The following TMEM248 variants were observed in gnomAD, a reference collection of about 807,000 sequenced individuals.
TMEM248 encodes transmembrane protein 248, also known as UPF0458 protein C7orf42.
A neutral mutation model predicts 30.3 loss-of-function variants in TMEM248; 9 were observed. The ratio of observed to expected loss-of-function variants is 0.30; its 90% CI spans 0.18 to 0.52. The LOEUF is 0.52. TMEM248 is among the 20% of genes least tolerant of loss of function. The pLI is 0.97. For missense variants in TMEM248, 338 were observed against 403.3 expected, an observed-to-expected ratio of 0.84 and a Z score of 1.39; for synonymous variants, 184 against 154.4, an observed-to-expected ratio of 1.19 and a Z score of -1.42.
Position 66,956,602 on chromosome 7 carries a change from C to CAAT in TMEM248, c.*1080_*1081insAAT, listed in dbSNP as rs1295134787. ...GATCAGTAAAATTACGAAAACGATG[C>CAAT]CTGCAAAATTTGAAGGAATGCAATT... On this transcript the variant is annotated 3_prime_UTR_variant, in exon 7 of 7. Coordinates refer to ENST00000341567, the MANE Select transcript of TMEM248 (RefSeq NM_017994.5). 5 of 152,238 alleles carry CAAT rather than the reference C, an allele frequency of 3.3e-5. No individual in the cohort carries two copies. The highest frequency in any genetic ancestry group is 1.2e-4 in the African/African-American group (5 of 41,530). 9.4% of individuals were successfully genotyped at this position (152,238 alleles called of 1,614,324 possible).
intron 1 of TMEM248, among the ~76,000 whole-genome samples, chr7:66,941,104 CG>C (rs1380615862): frequency 4.6e-5 from 7 of 151,898 alleles, no homozygotes; most frequent in Admixed American, 3.9e-4. Context: ...ATAAATTAGC[CG>C]GGCACGGTGG....
In TMEM248 at chr7:66,957,350, C is replaced by G. The variant is rs554497670; in HGVS notation, c.*1828C>G. 6.1e-4 allele frequency: 93 copies of G among 152,340 alleles called. No individual in the cohort carries two copies. Among genetic ancestry groups the G allele is most frequent in the African/African-American group, 2.1e-3 (89 of 41,572 alleles). 9.4% of individuals were successfully genotyped at this position (152,340 alleles called of 1,614,324 possible). On this transcript the variant is annotated 3_prime_UTR_variant, in exon 7 of 7. Coordinates refer to ENST00000341567, the MANE Select transcript of TMEM248 (RefSeq NM_017994.5). Reference sequence around the variant, plus strand: ...TTTTATTGAAGATTGTTAAAATAATCACCATAGTAACTTGATATGTTAGTA... The same window carrying G: ...TTTTATTGAAGATTGTTAAAATAATGACCATAGTAACTTGATATGTTAGTA...
chr7:66,933,407 A>G (rs13232393), intron 1 of TMEM248, among the ~76,000 whole-genome samples: 15,742 of 152,306 alleles, frequency 0.1, 992 homozygotes, highest in South Asian at 0.2. Context: ...ATTGTTGGAT[A>G]TGTAGTTTTC....
chr7:66,936,624 G>T (rs1426699989), intron 1 of TMEM248, among the ~76,000 whole-genome samples: 2 of 152,068 alleles, frequency 1.3e-5, no homozygotes, highest in African/African-American at 4.8e-5. Context: ...GTTTACGTAG[G>T]ATTGGTATTA....
chr7:66,925,643 A>G (rs1791503014), intron 1 of TMEM248, among the ~76,000 whole-genome samples: 1 of 151,672 alleles, frequency 6.6e-6, no homozygotes, highest in Non-Finnish European at 1.5e-5. Flanking sequence ...GGTAGTATAT[A>G]TTCAGCAGTG....
chr7:66,937,903 G>A (rs1298167528), intron 1 of TMEM248, among the ~76,000 whole-genome samples: 2 of 151,856 alleles, frequency 1.3e-5, no homozygotes, highest in African/African-American at 4.8e-5. Context: ...GTAGAGTCAG[G>A]GTTTCTCTAC....
chr7:66,930,798 G>C (rs574535451), intron 1 of TMEM248: 1 of 152,524 alleles, frequency 6.6e-6, no homozygotes, highest in African/African-American at 2.4e-5. Context: ...TTGTAACCCC[G>C]GCCTTAAAGC....
At chr7:66,955,443 G>A in intron 6 of TMEM248, 59 bp from the exon 7 acceptor site, 1 of 1,610,766 alleles carries the variant, frequency 6.2e-7, no homozygotes, top group South Asian at 1.1e-5. Flanking sequence ...CTTTGGGTAG[G>A]GGCTGAGTTA....
In TMEM248 at chr7:66,941,964, T is replaced by C; in HGVS notation, c.99T>C (p.Ala33=). The C allele has an allele frequency of 6.2e-7, 1 of 1,614,156 alleles. No individual in the cohort carries two copies. The highest frequency in any genetic ancestry group is 8.5e-7 in the Non-Finnish European group (1 of 1,180,028). Residue 33 remains alanine, a synonymous_variant, in exon 2 of 7, where the codon GCT becomes GCC. Coordinates refer to ENST00000341567, the MANE Select transcript of TMEM248 (RefSeq NM_017994.5). ...TCAGCGTAAGCGCCATGGCCATAGC[T>C]TTCCTGACCCTGGGCTACTTCTTCA... is the stretch of plus-strand genomic sequence containing the variant. ...FMISVSAMAI[A]FLTLGYFFKI...
intron 3 of TMEM248, among the ~76,000 whole-genome samples, chr7:66,947,127 A>C (rs578100031): frequency 1.4e-5 from 2 of 142,470 alleles, no homozygotes; most frequent in South Asian, 4.8e-4. Context: ...AGGTGGGAGG[A>C]TTGCTTGAAC....
intron 1 of TMEM248, among the ~76,000 whole-genome samples, chr7:66,938,019 C>G (rs1200404606): frequency 6.6e-6 from 1 of 152,140 alleles, no homozygotes; most frequent in Non-Finnish European, 1.5e-5. Context: ...AGCCACTGCG[C>G]CCGGTTATTT....
At position 66,955,697 on chromosome 7, in the gene TMEM248, A is replaced by C. The variant is rs1050715701; in HGVS notation, c.*175A>C. On this transcript the variant is annotated 3_prime_UTR_variant, in exon 7 of 7. Transcript: ENST00000341567. ...TGTACATATTTATAAAAATCTATTC[A>C]GAAATTGGTCCAATAATGCACGTGC... 3 of 842,010 alleles carry C rather than the reference A, an allele frequency of 3.6e-6. No individual in the cohort carries two copies. The African/African-American group carries it at 5.2e-5, about 15-fold the overall frequency. The allele number at this position is 842,010 out of a possible 1,614,324, so 52.2% of individuals were successfully genotyped here.
At chr7:66,941,090 G>A (rs1007833037) in intron 1 of TMEM248, among the ~76,000 whole-genome samples, 2 of 151,952 alleles carry the variant, frequency 1.3e-5, no homozygotes, top group Non-Finnish European at 2.9e-5. Flanking sequence ...TCTCTTAAAA[G>A]GTAATAAATT....
At chr7:66,923,234 C>T (rs1294325947) in intron 1 of TMEM248, among the ~76,000 whole-genome samples, 1 of 151,896 alleles carries the variant, frequency 6.6e-6, no homozygotes, top group East Asian at 1.9e-4. Context: ...CAACCTCTGC[C>T]TCTCAGGTTC....
chr7:66,949,992 A>G (rs1792219383), intron 4 of TMEM248, among the ~76,000 whole-genome samples: 3 of 152,202 alleles, frequency 2.0e-5, no homozygotes, highest in African/African-American at 7.2e-5. Context: ...ACAAGATCAG[A>G]TTAAGTTAAA....
chr7:66,925,295 A>G (rs1199509694), intron 1 of TMEM248, among the ~76,000 whole-genome samples: 2 of 152,206 alleles, frequency 1.3e-5, no homozygotes, highest in Non-Finnish European at 2.9e-5. Flanking sequence ...TGCTAGCATT[A>G]AAGGTGTGAG....
rs184045963 is a variant in TMEM248 at position 66,942,043 on chromosome 7, T to C, written c.159+19T>C. Reference sequence around the variant, plus strand: ...GGCAGAGGTATAGTATGCTCTGACTTCTCCCGGGCTGGCTGGTCCTTGTGC... The same window carrying C: ...GGCAGAGGTATAGTATGCTCTGACTCCTCCCGGGCTGGCTGGTCCTTGTGC... On this transcript the variant is annotated intron_variant, in intron 2 of 6. Transcript: ENST00000341567. 1.0e-4 allele frequency: 165 copies of C among 1,607,392 alleles called. No individual in the cohort carries two copies. In the African/African-American group the frequency reaches 1.9e-3, roughly 18 times the overall value.
At chr7:66,924,942 C>G (rs1791484896) in intron 1 of TMEM248, among the ~76,000 whole-genome samples, 1 of 151,820 alleles carries the variant, frequency 6.6e-6, no homozygotes, top group South Asian at 2.1e-4. Flanking sequence ...AACTCCTGAC[C>G]TCGTGATCCG....
At chr7:66,930,937 T>C (rs1032226872) in intron 1 of TMEM248, 1 of 152,624 alleles carries the variant, frequency 6.6e-6, no homozygotes, top group Non-Finnish European at 1.5e-5. Flanking sequence ...GAGAGCAGGC[T>C]TGCTTCTCCC....
Sources: gnomAD v4.1 joint callset for allele counts (sites outside exome capture counted in the v4.1 genomes callset) on GRCh38, gnomAD v4.1.1 for gene constraint, MANE v1.5 for transcripts, NCBI Gene and HGNC (gene_info 2026-07-23, HGNC 2026-07-21) for gene names.